NOL10: variants seen among roughly 807,000 people sequenced by gnomAD.
NOL10 encodes H_NH0074G24.1.
Under a neutral mutation model 103.5 loss-of-function variants are expected in NOL10, and 58 were observed. That is an observed-to-expected ratio of 0.56 (90% CI 0.45 to 0.70). NOL10 has a LOEUF of 0.70. Ranked by LOEUF, NOL10 falls within the 30% of genes least tolerant of loss-of-function variation. The pLI is 0.00. For missense variants in NOL10, 763 were observed against 807.3 expected (o/e 0.95, Z 0.67); for synonymous variants, 287 against 282.5 (o/e 1.02, Z -0.16).
At chr2:10,655,255 G>A (rs1679765815) in intron 11 of NOL10, among the ~76,000 whole-genome samples, 3 of 144,870 alleles carry the variant, frequency 2.1e-5, no homozygotes. Flanking sequence ...AAGGAAGAAA[G>A]GAAAGAAAAG....
At position 10,603,256 on chromosome 2, in the gene NOL10, C is replaced by T. The variant is rs1035943268; in HGVS notation, c.1154-99G>A. On this transcript the variant is annotated intron_variant, in intron 14 of 20. Coordinates refer to ENST00000381685, the MANE Select transcript of NOL10 (RefSeq NM_024894.4). ...ACAATTTGATTATAGTAAGATTTCA[C>T]TTCAGACTAAAAATTTAAGGATTAG... 3 of 817,684 alleles carry T rather than the reference C, an allele frequency of 3.7e-6. No individual in the cohort carries two copies. The African/African-American group carries it at 5.2e-5, about 14-fold the overall frequency. 50.7% of individuals were successfully genotyped at this position (817,684 alleles called of 1,614,324 possible).
intron 17 of NOL10, among the ~76,000 whole-genome samples, chr2:10,594,066 G>C (rs10186984): frequency 0.34 from 52,196 of 151,904 alleles, 9,397 homozygotes; most frequent in Non-Finnish European, 0.4. Context: ...GATCATGGCA[G>C]GAAAAACTAA....
At chr2:10,630,127 C>T (rs1572330562) in intron 13 of NOL10, among the ~76,000 whole-genome samples, 4 of 152,286 alleles carry the variant, frequency 2.6e-5, no homozygotes, top group Admixed American at 1.3e-4. Flanking sequence ...TTGCCACCCA[C>T]GGACCCCGTG....
chr2:10,625,246 G>C (rs904139710), intron 13 of NOL10, among the ~76,000 whole-genome samples: 16 of 152,184 alleles, frequency 1.1e-4, no homozygotes, highest in Non-Finnish European at 2.1e-4. Context: ...ACACCACCAA[G>C]AGTGGACTCT....
intron 3 of NOL10, among the ~76,000 whole-genome samples, chr2:10,681,233 T>C (rs1558355165): frequency 6.6e-6 from 1 of 151,772 alleles, no homozygotes; most frequent in Non-Finnish European, 1.5e-5. Context: ...ACATGGAGAA[T>C]GGGTAAATAA....
chr2:10,626,243 T>C (rs1162328277), intron 13 of NOL10, among the ~76,000 whole-genome samples: 2 of 152,070 alleles, frequency 1.3e-5, no homozygotes, highest in African/African-American at 4.8e-5. Context: ...TAAACCAGCA[T>C]GCATGGAGTC....
rs1241444273 is a variant in NOL10 at position 10,587,120 on chromosome 2, C to CAT, written c.1844+1921_1844+1922dup. ...ATACACATATATATACATATATATA[C>CAT]ATATATATACATATATACACATATA... On this transcript the variant is annotated intron_variant, in intron 19 of 20. Transcript: ENST00000381685. Among the ~76,000 whole-genome samples the CAT allele has an allele frequency of 8.4e-4, 38 of 45,210 alleles. 6 individuals are homozygous for CAT. Among genetic ancestry groups the CAT allele is most frequent in the African/African-American group, 4.0e-3 (33 of 8,296 alleles). 29.7% of individuals were successfully genotyped at this position (45,210 alleles called of 152,430 possible). A position where few individuals can be genotyped will look rare whatever the true frequency, so the allele number is the denominator to read the frequency against.
chr2:10,682,004 C>A lies in NOL10; in HGVS notation c.178G>T (p.Val60Leu). 6.6e-7 allele frequency: 1 copy of A among 1,515,986 alleles called. No homozygotes were observed. Among genetic ancestry groups the A allele is most frequent in the South Asian group, 1.4e-5 (1 of 72,248 alleles). The allele number at this position is 1,515,986 out of a possible 1,614,324, so 93.9% of individuals were successfully genotyped here. Residue 60 changes from valine to leucine, a missense_variant, in exon 3 of 21, where the codon GTG (valine) becomes TTG (leucine). By Grantham distance (32) the Val-to-Leu change is conservative. Transcript: ENST00000381685. ...AAAATGTACTGTCCATCTTTTGACA[C>A]CTTAATAGTGGTACACACAGTAGGC... ...EMPTVCTTIK[V>L]SKDGQYILAT... is the part of the protein sequence containing the mutation.
chr2:10,672,338 A>G lies in NOL10; in HGVS notation c.328-648T>C, dbSNP rs546479369. On this transcript the variant is annotated intron_variant, in intron 5 of 20. Transcript: ENST00000381685. Reference sequence around the variant, plus strand: ...GTGAAACTCTTGTCTCAAAAAATAAAAAACAAAAAATAATAATAATCCCAC... The same window carrying G: ...GTGAAACTCTTGTCTCAAAAAATAAGAAACAAAAAATAATAATAATCCCAC... 8.5e-5 allele frequency among the ~76,000 whole-genome samples: 13 copies of G among 152,286 alleles called. No homozygotes were observed. The East Asian group carries it at 2.5e-3, about 29-fold the overall frequency.
chr2:10,627,423 C>G (rs1322779152), intron 13 of NOL10, among the ~76,000 whole-genome samples: 6 of 152,124 alleles, frequency 3.9e-5, no homozygotes, highest in Non-Finnish European at 8.8e-5. Flanking sequence ...CACCTGTAAT[C>G]CCAGCACTTT....
At chr2:10,577,786 AT>A in intron 19 of NOL10, 48 bp from the exon 20 acceptor site, 1 of 1,275,802 alleles carries the variant, frequency 7.8e-7, no homozygotes, top group Non-Finnish European at 1.1e-6. Flanking sequence ...TTATGTTTTA[AT>A]TTACCATTTG....
intron 1 of NOL10, among the ~76,000 whole-genome samples, chr2:10,684,833 T>A (rs1682036157): frequency 6.6e-6 from 1 of 152,226 alleles, no homozygotes; most frequent in African/African-American, 2.4e-5. Context: ...ATAATTTCTT[T>A]TATTTTTACT....
intron 13 of NOL10, among the ~76,000 whole-genome samples, chr2:10,636,432 A>G (rs1471663498): frequency 6.7e-6 from 1 of 149,704 alleles, no homozygotes; most frequent in Admixed American, 6.7e-5. Flanking sequence ...AAAAAAAAAA[A>G]AAAAAAAAAA....
rs146729216 is a variant in NOL10 at position 10,685,895 on chromosome 2, C to A, written c.67-1283G>T. On this transcript the variant is annotated intron_variant, in intron 1 of 20. Transcript: ENST00000381685. ...CCTGGCAATAAAGTGGGATCACTGTCTCTACAAAAAAAAAAAAGCAGCTGG... is the reference window on the plus strand; with the variant it reads ...CCTGGCAATAAAGTGGGATCACTGTATCTACAAAAAAAAAAAAGCAGCTGG... 1.6e-4 allele frequency among the ~76,000 whole-genome samples: 15 copies of A among 96,156 alleles called. No individual in the cohort carries two copies. In the East Asian group the frequency reaches 4.1e-3, roughly 26 times the overall value. 63.1% of individuals were successfully genotyped at this position (96,156 alleles called of 152,430 possible).
At chr2:10,602,136 T>A (rs774720120) in intron 16 of NOL10, among the ~76,000 whole-genome samples, 22 of 152,288 alleles carry the variant, frequency 1.4e-4, no homozygotes, top group Middle Eastern at 3.4e-3. Context: ...GGAACATCCT[T>A]GCTATTATGC....
At chr2:10,628,961 G>A (rs1324500834) in intron 13 of NOL10, among the ~76,000 whole-genome samples, 2 of 152,086 alleles carry the variant, frequency 1.3e-5, no homozygotes, top group African/African-American at 2.4e-5. Context: ...TTAGGAACAC[G>A]TTTTCTCGGT....
At chr2:10,666,948 T>C (rs1369632619) in intron 8 of NOL10, among the ~76,000 whole-genome samples, 5 of 152,212 alleles carry the variant, frequency 3.3e-5, no homozygotes, top group Admixed American at 2.0e-4. Context: ...TTTAAAACTA[T>C]GAGTATTTAT....
intron 3 of NOL10, among the ~76,000 whole-genome samples, chr2:10,679,602 TC>T (rs1681577065): frequency 1.4e-5 from 2 of 145,428 alleles, no homozygotes; most frequent in African/African-American, 4.9e-5. Context: ...CCTCTCTCCT[TC>T]CTCTCTTTCT....
intron 14 of NOL10, among the ~76,000 whole-genome samples, chr2:10,603,407 AG>A (rs1002218901): frequency 6.6e-6 from 1 of 152,166 alleles, no homozygotes; most frequent in Non-Finnish European, 1.5e-5. Flanking sequence ...TAAGACAAAG[AG>A]GGTTCCCTTA....
Sources: gnomAD v4.1 joint callset for allele counts (sites outside exome capture counted in the v4.1 genomes callset) on GRCh38, gnomAD v4.1.1 for gene constraint, MANE v1.5 for transcripts, NCBI Gene and HGNC (gene_info 2026-07-23, HGNC 2026-07-21) for gene names.